CEP290: variants seen among roughly 807,000 people sequenced by gnomAD.
CEP290 encodes centrosomal protein of 290 kDa.
In CEP290, 317 loss-of-function variants were observed where a neutral mutation model predicts 344.9. That is an observed-to-expected ratio of 0.92 (90% CI 0.84 to 1.01). The LOEUF (loss-of-function observed/expected upper bound fraction) is 1.01, where lower values mean the gene tolerates loss of function less well. Among genes scored for constraint, CEP290 ranks in the 50% least tolerant of loss-of-function variants. CEP290 has a pLI of 0.00. For synonymous variants in CEP290, 932 were observed against 895.8 expected (o/e 1.04, Z -0.72); for missense variants, 2,754 against 2,761.4 (o/e 1.00, Z 0.06).
rs1172634505 is a variant in CEP290 at position 88,077,351 on chromosome 12, A to T, written c.5587-7T>A. The T allele has an allele frequency of 2.8e-6, 4 of 1,453,974 alleles. No individual in the cohort carries two copies. The South Asian group carries it at 4.1e-5, about 15-fold the overall frequency. The allele number at this position is 1,453,974 out of a possible 1,614,324, so 90.1% of individuals were successfully genotyped here. A position where few individuals can be genotyped will look rare whatever the true frequency, so the allele number is the denominator to read the frequency against. Reference sequence around the variant, plus strand: ...TATCTGTCAGGGGTTTGCCCTAAAAAATAAAATGTAACTTTATATTTTTAC... The same window carrying T: ...TATCTGTCAGGGGTTTGCCCTAAAATATAAAATGTAACTTTATATTTTTAC... On this transcript the variant is annotated splice_polypyrimidine_tract_variant and splice_region_variant and intron_variant, in intron 40 of 53. Transcript: ENST00000552810.
intron 39 of CEP290, among the ~76,000 whole-genome samples, chr12:88,078,400 T>C (rs944963118): frequency 3.9e-5 from 6 of 152,048 alleles, no homozygotes; most frequent in Non-Finnish European, 7.4e-5. Flanking sequence ...TTCCTAGCTG[T>C]CCTATGGTGA....
chr12:88,077,174 A>T (rs569454494), intron 41 of CEP290, 48 bp downstream of exon 41: 2 of 1,553,820 alleles, frequency 1.3e-6, no homozygotes, highest in South Asian at 2.5e-5. Flanking sequence ...TATTTAACTT[A>T]CTCTGTCACT....
intron 10 of CEP290, 61 bp downstream of exon 10, chr12:88,129,633 T>C: frequency 1.0e-6 from 1 of 998,520 alleles, no homozygotes; most frequent in Admixed American, 3.4e-5. Flanking sequence ...TAGTGTCAAA[T>C]AAATAGTAAT....
At chr12:88,113,062 G>C (rs1378409333) in intron 20 of CEP290, among the ~76,000 whole-genome samples, 1 of 152,114 alleles carries the variant, frequency 6.6e-6, no homozygotes, top group African/African-American at 2.4e-5. Context: ...ATTGCTAGGT[G>C]ATTTGTGAAT....
At chr12:88,054,270 G>T in intron 51 of CEP290, 70 bp downstream of exon 51, 1 of 962,028 alleles carries the variant, frequency 1.0e-6, no homozygotes, top group Non-Finnish European at 1.6e-6. Flanking sequence ...TAGCAATTCG[G>T]AGTATATAAA....
intron 25 of CEP290, chr12:88,104,023 T>C (rs762444899): frequency 1.3e-5 from 2 of 152,050 alleles, no homozygotes; most frequent in Admixed American, 6.6e-5. Context: ...AAACTAATTC[T>C]TTTCTCTTTC....
Position 88,079,199 on chromosome 12 carries a change from C to T in CEP290, c.5257G>A (p.Ala1753Thr). 6.3e-7 allele frequency: 1 copy of T among 1,596,256 alleles called. No individual in the cohort carries two copies. Among genetic ancestry groups the T allele is most frequent in the Non-Finnish European group, 8.5e-7 (1 of 1,173,634 alleles). ...ALSRALLELR[A>T]EMTAAAEERI... ...TCTTCAGCAGCTGCTGTCATTTCTG[C>T]CCGGAGTTCTAAAAGTGCCCGACTA... is the stretch of plus-strand genomic sequence containing the variant. Residue 1753 changes from alanine (A) to threonine (T), a missense_variant, in exon 39 of 54, where the codon GCA (alanine) becomes ACA (threonine). Transcript: ENST00000552810.
chr12:88,052,301 A>G (rs957317611), intron 52 of CEP290, among the ~76,000 whole-genome samples: 6 of 152,220 alleles, frequency 3.9e-5, no homozygotes, highest in Admixed American at 6.5e-5. Context: ...ATCATATTTT[A>G]TAGAAGCAGA....
At chr12:88,060,749 A>G in intron 47 of CEP290, 81 bp downstream of exon 47, 1 of 1,033,446 alleles carries the variant, frequency 9.7e-7, no homozygotes, top group Non-Finnish European at 1.4e-6. Context: ...TTTATATAGT[A>G]ATGAGCATAT....
intron 5 of CEP290, among the ~76,000 whole-genome samples, chr12:88,138,927 T>C (rs572132563): frequency 6.7e-6 from 1 of 149,338 alleles, no homozygotes; most frequent in African/African-American, 2.4e-5. Context: ...ATAAGCTCCA[T>C]CCAGCAGTTA....
rs747413727 is a variant in CEP290 at position 88,062,675 on chromosome 12, G to C, written c.6357+17C>G. ...ACTGCTGAAACCAAAACAAATGTAT[G>C]GTAAATTCTCACATACCCCTCTAAC... On this transcript the variant is annotated intron_variant, in intron 46 of 53. Coordinates refer to ENST00000552810, the MANE Select transcript of CEP290 (RefSeq NM_025114.4). The C allele has an allele frequency of 6.4e-7, 1 of 1,558,920 alleles. No individual in the cohort carries two copies. The highest frequency in any genetic ancestry group is 2.3e-5 in the East Asian group (1 of 44,302).
At chr12:88,056,783 A>G (rs1395743500) in intron 49 of CEP290, among the ~76,000 whole-genome samples, 1 of 152,164 alleles carries the variant, frequency 6.6e-6, no homozygotes, top group African/African-American at 2.4e-5. Flanking sequence ...CATGAGCAAG[A>G]CCTGTGTCAT....
intron 20 of CEP290, 62 bp from the exon 21 acceptor site, chr12:88,111,920 C>A (rs2038719594): frequency 4.1e-6 from 5 of 1,213,450 alleles, no homozygotes; most frequent in Non-Finnish European, 5.5e-6. Context: ...TAGTAAAAAA[C>A]AGTCTGTCTT....
At chr12:88,050,586 A>G (rs539370417) in intron 52 of CEP290, among the ~76,000 whole-genome samples, 153 bp from the exon 53 acceptor site, 1 of 152,286 alleles carries the variant, frequency 6.6e-6, no homozygotes, top group East Asian at 1.9e-4. Context: ...CAGGATGTAA[A>G]CACTTAATGC....
At chr12:88,071,985 G>A (rs1309690537) in intron 41 of CEP290, 59 bp from the exon 42 acceptor site, 2 of 1,400,214 alleles carry the variant, frequency 1.4e-6, no homozygotes, top group Non-Finnish European at 1.9e-6. Context: ...TTTTCTTTAT[G>A]ATTTATCAAT....
intron 44 of CEP290, among the ~76,000 whole-genome samples, chr12:88,065,379 T>C (rs1592759072): frequency 6.6e-6 from 1 of 152,076 alleles, no homozygotes; most frequent in South Asian, 2.1e-4. Flanking sequence ...ACATATGTCG[T>C]AGCAAAAAAA....
rs1044900602 is a variant in CEP290, at chr12:88,106,151, T to C, written c.2817+524A>G. Among the ~76,000 whole-genome samples, 72 of 152,208 alleles carry C rather than the reference T, an allele frequency of 4.7e-4. 1 individual carries two copies. The highest frequency in any genetic ancestry group is 1.3e-4 in the Admixed American group (2 of 15,276). ...AATATAAAGTATAGAACACTACTTA[T>C]GAAGTATTCTTGCCAAAAATGTTTA... is the stretch of plus-strand genomic sequence containing the variant. On this transcript the variant is annotated intron_variant, in intron 25 of 53. Coordinates refer to ENST00000552810, the MANE Select transcript of CEP290 (RefSeq NM_025114.4).
chr12:88,133,071 G>GT (rs1565919924), intron 6 of CEP290, among the ~76,000 whole-genome samples: 30 of 147,112 alleles, frequency 2.0e-4, no homozygotes, highest in African/African-American at 7.0e-4. Flanking sequence ...ATCTTGTTCC[G>GT]GTTTTTTTTT....
rs587783010 is a variant in CEP290, at chr12:88,111,319, TAA to T, written c.2248_2249del (p.Leu750ThrfsTer11). 6.4e-7 allele frequency: 1 copy of T among 1,564,188 alleles called. No individual in the cohort carries two copies. The highest frequency in any genetic ancestry group is 8.7e-7 in the Non-Finnish European group (1 of 1,154,948). The part of the protein sequence containing the change: ...IDHLEKETSL[L>X]RQSEGSNVVF... ...CAACATTTGATCCTTCTGATTGTCGTAAAAGACTAGTTTCTTTTTCAAGATGG... is the reference window on the plus strand; with the variant it reads ...CAACATTTGATCCTTCTGATTGTCGTAAGACTAGTTTCTTTTTCAAGATGG... On this transcript the variant is annotated frameshift_variant, in exon 22 of 54. Transcript: ENST00000552810. LOFTEE classifies it high-confidence loss of function.
Sources: allele counts gnomAD v4.1 joint callset (sites outside exome capture counted in the v4.1 genomes callset), GRCh38; gene constraint gnomAD v4.1.1; transcripts MANE v1.5; gene names NCBI Gene and HGNC (gene_info 2026-07-23, HGNC 2026-07-21).